WDR88: variants seen among roughly 807,000 people sequenced by gnomAD.
WDR88 encodes the protein WD repeat domain 88, also known as WD repeat-containing protein 88.
A neutral mutation model predicts 46.8 loss-of-function variants in WDR88; 40 were observed. The ratio of observed to expected loss-of-function variants is 0.86; its 90% CI spans 0.66 to 1.11. The LOEUF (loss-of-function observed/expected upper bound fraction) is 1.11. WDR88 is among the 50% of genes most tolerant of loss of function. WDR88 has a pLI of 0.00. For synonymous variants in WDR88, 235 were observed against 240.7 expected (o/e 0.98, Z 0.22); for missense variants, 562 against 602.4 (o/e 0.93, Z 0.70).
chr19:33,139,813 TACACACAC>T (rs111934254), intron 2 of WDR88, among the ~76,000 whole-genome samples: 4 of 150,426 alleles, frequency 2.7e-5, no homozygotes, highest in African/African-American at 9.8e-5. Flanking sequence ...AAAATATGCA[TACACACAC>T]ACACACACAC....
Position 33,175,553 on chromosome 19 carries a change from G to A in WDR88, c.1400G>A (p.Arg467Lys), listed in dbSNP as rs761958145. The change falls in exon 11 of 11, where the codon AGG (arginine) becomes AAG (lysine). Residue 467 changes from arginine to lysine, a missense_variant. Physicochemically the swap from Arg to Lys is conservative, Grantham distance 26 (BLOSUM62 2). Transcript: ENST00000355868. Reference protein sequence around the residue: ...SSERENSPPPRGSKDD With the variant: ...SSERENSPPPKGSKDD ...GAAAGGGAGAACTCACCGCCGCCAAGGGGAAGCAAGGATGACTGACAGCCA... is the reference window on the plus strand; with the variant it reads ...GAAAGGGAGAACTCACCGCCGCCAAAGGGAAGCAAGGATGACTGACAGCCA... The A allele has an allele frequency of 1.2e-6, 2 of 1,614,202 alleles. No individual in the cohort carries two copies. Among genetic ancestry groups the A allele is most frequent in the Non-Finnish European group, 8.5e-7 (1 of 1,180,030 alleles).
chr19:33,173,029 T>C (rs1974063727), intron 10 of WDR88, among the ~76,000 whole-genome samples: 1 of 136,094 alleles, frequency 7.3e-6, no homozygotes, highest in African/African-American at 2.8e-5. Context: ...GAGATGGAAG[T>C]TGCAGTGAGT....
At chr19:33,144,604 C>G (rs1443091838) in intron 2 of WDR88, among the ~76,000 whole-genome samples, 2 of 152,200 alleles carry the variant, frequency 1.3e-5, no homozygotes, top group Non-Finnish European at 2.9e-5. Flanking sequence ...CACCTGGTGT[C>G]TGGAATTGCG....
intron 6 of WDR88, among the ~76,000 whole-genome samples, chr19:33,155,311 T>TTA (rs747919271): frequency 1.3e-5 from 2 of 152,160 alleles, no homozygotes; most frequent in Non-Finnish European, 2.9e-5. Flanking sequence ...CAGCTAATTT[T>TTA]TATATTTTTT....
chr19:33,147,796 G>C, intron 4 of WDR88, 88 bp downstream of exon 4: 1 of 1,214,560 alleles, frequency 8.2e-7, no homozygotes. Context: ...CCTGGGTAGG[G>C]GGAGGTGATA....
intron 3 of WDR88, among the ~76,000 whole-genome samples, chr19:33,146,004 T>G (rs1288278928): frequency 6.6e-6 from 1 of 152,180 alleles, no homozygotes; most frequent in African/African-American, 2.4e-5. Context: ...GGAAAACGAT[T>G]GATCCTTGCG....
At chr19:33,156,092 G>C (rs955788617) in intron 6 of WDR88, among the ~76,000 whole-genome samples, 2 of 152,238 alleles carry the variant, frequency 1.3e-5, no homozygotes, top group Non-Finnish European at 2.9e-5. Context: ...AATTGGTGCA[G>C]TCGAGAAATG....
Position 33,175,496 on chromosome 19 carries a change from C to T in WDR88, c.1343C>T (p.Pro448Leu), listed in dbSNP as rs187257808. ...VFCRIDTRGL[P>L]ADTSSSSSSS... Reference sequence around the variant, plus strand: ...TGCCGGATAGATACAAGGGGCTTGCCAGCAGATACTTCATCGTCATCATCA... The same window carrying T: ...TGCCGGATAGATACAAGGGGCTTGCTAGCAGATACTTCATCGTCATCATCA... The change falls in exon 11 of 11, where the codon CCA (proline) becomes CTA (leucine). Residue 448 changes from proline to leucine, a missense_variant. Transcript: ENST00000355868. 38 of 1,614,204 alleles carry T rather than the reference C, an allele frequency of 2.4e-5. No homozygotes were observed. In the Admixed American group the frequency reaches 4.7e-4, roughly 20 times the overall value.
At chr19:33,148,746 A>G (rs781273119) in intron 4 of WDR88, 26 bp from the exon 5 acceptor site, 16 of 1,613,842 alleles carry the variant, frequency 9.9e-6, no homozygotes, top group African/African-American at 1.3e-5. Context: ...GCTTAAAACA[A>G]CCTTTTGATT....
At chr19:33,141,036 A>C (rs1973380481) in intron 2 of WDR88, among the ~76,000 whole-genome samples, 2 of 150,736 alleles carry the variant, frequency 1.3e-5, no homozygotes, top group African/African-American at 2.4e-5. Context: ...TCCTGGGCTA[A>C]AGGCATCCTC....
rs62125332 is a variant in WDR88 at position 33,164,977 on chromosome 19, G to T, written c.1149+712G>T. ...CTGCAACTAGATGGTCCCATCTGGG[G>T]GTGATGGGAGACAGTGACAGATCAT... On this transcript the variant is annotated intron_variant, in intron 9 of 10. Transcript: ENST00000355868. Among the ~76,000 whole-genome samples the T allele has an allele frequency of 6.4e-3, 972 of 151,880 alleles. 8 individuals are homozygous for T. The highest frequency in any genetic ancestry group is 0.011 in the Non-Finnish European group (741 of 67,974).
At chr19:33,142,689 C>T (rs1203276283) in intron 2 of WDR88, 3 of 151,256 alleles carry the variant, frequency 2.0e-5, no homozygotes, top group Non-Finnish European at 2.9e-5. Flanking sequence ...ACAGCAGTCC[C>T]GGGGGGCCCT....
chr19:33,133,198 T>TAAATAGAGAGAG (rs1555723214), intron 1 of WDR88, among the ~76,000 whole-genome samples: 5 of 79,722 alleles, frequency 6.3e-5, no homozygotes, highest in South Asian at 3.2e-4. Flanking sequence ...TAAATAAATA[T>TAAATAGAGAGAG]AGAGAGAGAG....
chr19:33,154,618 G>T, intron 6 of WDR88, among the ~76,000 whole-genome samples: 1 of 152,152 alleles, frequency 6.6e-6, no homozygotes, highest in East Asian at 1.9e-4. Flanking sequence ...ATGGGCATTT[G>T]GGTTGACACG....
chr19:33,133,437 A>G (rs1973181615), intron 1 of WDR88, among the ~76,000 whole-genome samples: 1 of 152,014 alleles, frequency 6.6e-6, no homozygotes, highest in African/African-American at 2.4e-5. Context: ...AATCCCAGCT[A>G]CTCAGGAGGC....
chr19:33,141,086 A>G (rs753359537), intron 2 of WDR88, among the ~76,000 whole-genome samples: 36 of 151,176 alleles, frequency 2.4e-4, no homozygotes, highest in Non-Finnish European at 2.7e-4. Context: ...ACAGGCACAC[A>G]CCACCATGCC....
At chr19:33,158,873 T>C (rs1233190250) in intron 7 of WDR88, among the ~76,000 whole-genome samples, 1 of 152,166 alleles carries the variant, frequency 6.6e-6, no homozygotes, top group Non-Finnish European at 1.5e-5. Context: ...CTAATTTTTG[T>C]ATTTTTGGTA....
intron 7 of WDR88, among the ~76,000 whole-genome samples, chr19:33,159,617 G>A (rs144056931): frequency 6.6e-6 from 1 of 152,096 alleles, no homozygotes; most frequent in African/African-American, 2.4e-5. Flanking sequence ...ACCAGAGCTC[G>A]CAGGAAACTG....
Position 33,137,334 on chromosome 19 carries a change from A to G in WDR88, c.277-343A>G, listed in dbSNP as rs529122260. On this transcript the variant is annotated intron_variant, in intron 1 of 10. Transcript: ENST00000355868. ...AGTGGTGCAATCTTGGCTCACTGCA[A>G]CCTCCGCCTCCTGTATTCAAGTGAT... Among the ~76,000 whole-genome samples the G allele has an allele frequency of 3.6e-3, 538 of 149,138 alleles. 3 individuals carry two copies. Among genetic ancestry groups the G allele is most frequent in the African/African-American group, 0.013 (528 of 40,182 alleles).
Sources: gnomAD v4.1 joint callset for allele counts (sites outside exome capture counted in the v4.1 genomes callset) on GRCh38, gnomAD v4.1.1 for gene constraint, MANE v1.5 for transcripts, NCBI Gene and HGNC (gene_info 2026-07-23, HGNC 2026-07-21) for gene names.